The following WDR33 variants were observed in gnomAD, a reference collection of about 807,000 sequenced individuals.
WDR33 encodes the protein pre-mRNA 3' end processing protein WDR33.
WDR33 carries 47 observed loss-of-function variants against 164.9 expected under a neutral mutation model. The observed-to-expected ratio is 0.29, with a 90% CI of 0.23 to 0.36. WDR33 has a LOEUF of 0.36. WDR33 is among the 10% of genes least tolerant of loss of function. The pLI is 1.00. For missense variants in WDR33, 1,137 were observed against 1,754.1 expected (o/e 0.65, Z 6.28); for synonymous variants, 505 against 589.0 (o/e 0.86, Z 2.06).
chr2:127,756,436 CTATAT>C (rs917280206), intron 7 of WDR33, among the ~76,000 whole-genome samples: 3 of 150,110 alleles, frequency 2.0e-5, no homozygotes, highest in Middle Eastern at 3.6e-3. Flanking sequence ...ACAAAACTTA[CTATAT>C]TATACCACAT....
chr2:127,752,361 C>T lies in WDR33; in HGVS notation c.724+10701G>A, dbSNP rs921347535. Among the ~76,000 whole-genome samples, 4 of 151,898 alleles carry T rather than the reference C, an allele frequency of 2.6e-5. 1 individual carries two copies. Among genetic ancestry groups the T allele is most frequent in the East Asian group, 3.9e-4 (2 of 5,158 alleles). ...ATCCCAGCACTTTGGGAGGCCGAGG[C>T]GGGTGGATCATGAGGTCAGGAGATC... On this transcript the variant is annotated intron_variant, in intron 7 of 21. Transcript: ENST00000322313.
Position 127,720,411 on chromosome 2 carries a change from G to T in WDR33, c.1672-58C>A. The T allele has an allele frequency of 6.8e-7, 1 of 1,478,860 alleles. No homozygotes were observed. The highest frequency in any genetic ancestry group is 1.5e-5 in the South Asian group (1 of 67,126). 91.6% of individuals were successfully genotyped at this position (1,478,860 alleles called of 1,614,324 possible). ...TAAACAGGCCAGAGCCCTTGAAGAT[G>T]ACAATATTGCTATCATGTATTCTGT... On this transcript the variant is annotated intron_variant, in intron 15 of 21. Transcript: ENST00000322313. This position sits in a 1 kb window ranked among gnomAD's most constrained non-coding sequence, Gnocchi z 5.9.
At chr2:127,773,796 C>T (rs1688090545) in intron 1 of WDR33, among the ~76,000 whole-genome samples, 1 of 152,124 alleles carries the variant, frequency 6.6e-6, no homozygotes, top group African/African-American at 2.4e-5. Flanking sequence ...TGGGGTCTCG[C>T]TCTGTTGCCC....
rs1686338790 is a variant in WDR33 at position 127,718,043 on chromosome 2, CTA to C, written c.2761-782_2761-781del. The stretch of plus-strand genomic sequence containing the variant: ...TTTAGGGCAATTTAGAATGGCAATC[CTA>C]TACTTAATTCATCCTAACTTCTGAG... On this transcript the variant is annotated intron_variant, in intron 16 of 21. Transcript: ENST00000322313. This position sits in a 1 kb window ranked among gnomAD's most constrained non-coding sequence, Gnocchi z 4.4. 6.6e-6 allele frequency among the ~76,000 whole-genome samples: 1 copy of C among 152,016 alleles called. No individual in the cohort carries two copies. Among genetic ancestry groups the C allele is most frequent in the Non-Finnish European group, 1.5e-5 (1 of 68,010 alleles).
rs955030651 is a variant in WDR33, at chr2:127,749,467, G to A, written c.724+13595C>T. Among the ~76,000 whole-genome samples, 7 of 151,952 alleles carry A rather than the reference G, an allele frequency of 4.6e-5. No homozygotes were observed. In the East Asian group the frequency reaches 1.2e-3, roughly 25 times the overall value. On this transcript the variant is annotated intron_variant, in intron 7 of 21. Transcript: ENST00000322313. ...ACCCGAGGTCAGGGGTTTGAGACCA[G>A]CCTGGCCAACATGGTGAAACCCCGT...
rs1686085487 is a variant in WDR33, at chr2:127,708,953, T to C, written c.3566-61A>G. The stretch of plus-strand genomic sequence containing the variant: ...CAGTGTGACCAGAAGTAGATGGGAA[T>C]GACACTGTGAGAGTAAGGAGCAACT... On this transcript the variant is annotated intron_variant, in intron 20 of 21. Transcript: ENST00000322313. This position sits in a 1 kb window ranked among gnomAD's most constrained non-coding sequence, Gnocchi z 6.7. 6.9e-7 allele frequency: 1 copy of C among 1,457,524 alleles called. No homozygotes were observed. The allele number at this position is 1,457,524 out of a possible 1,614,324, so 90.3% of individuals were successfully genotyped here.
intron 1 of WDR33, among the ~76,000 whole-genome samples, chr2:127,785,940 G>C (rs1231931673): frequency 6.6e-6 from 1 of 152,260 alleles, no homozygotes; most frequent in Non-Finnish European, 1.5e-5. Flanking sequence ...AACTGGCAAA[G>C]TGAGAGTTCT....
Position 127,706,909 on chromosome 2 carries a change from A to G in WDR33, c.3782-357T>C, listed in dbSNP as rs1686030093. Among the ~76,000 whole-genome samples the G allele has an allele frequency of 6.6e-6, 1 of 152,254 alleles. No individual in the cohort carries two copies. The highest frequency in any genetic ancestry group is 1.5e-5 in the Non-Finnish European group (1 of 68,038). ...TCTGCCTGCTCCCAGCCACCAGGGT[A>G]TATTGAGGGAAGGTTTGAATATACT... is the stretch of plus-strand genomic sequence containing the variant. On this transcript the variant is annotated intron_variant, in intron 21 of 21. Transcript: ENST00000322313. The surrounding 1 kb of genome is among the most constrained non-coding windows in gnomAD (Gnocchi z 5.1).
chr2:127,778,234 C>T (rs200088994), intron 1 of WDR33, among the ~76,000 whole-genome samples: 17 of 151,994 alleles, frequency 1.1e-4, no homozygotes, highest in East Asian at 9.7e-4. Flanking sequence ...GTCAGGAGTT[C>T]GAGACCAGCC....
intron 7 of WDR33, chr2:127,737,488 T>G: frequency 6.1e-6 from 6 of 986,356 alleles, no homozygotes; most frequent in Non-Finnish European, 7.2e-6. Flanking sequence ...TAGTCATCAC[T>G]TGAAAAGCTA....
chr2:127,731,059 C>G (rs1191520524), intron 7 of WDR33, among the ~76,000 whole-genome samples: 1 of 151,656 alleles, frequency 6.6e-6, no homozygotes, highest in East Asian at 1.9e-4. Context: ...TTTGGGAGGC[C>G]AAGGTGGGTG....
At chr2:127,733,972 T>A (rs1052733829) in intron 7 of WDR33, among the ~76,000 whole-genome samples, 3 of 152,126 alleles carry the variant, frequency 2.0e-5, no homozygotes, top group African/African-American at 7.2e-5. Context: ...CCTCATCCAA[T>A]CCTGTCTTCA....
intron 1 of WDR33, among the ~76,000 whole-genome samples, chr2:127,780,267 C>A (rs1434323400): frequency 6.6e-6 from 1 of 152,160 alleles, no homozygotes; most frequent in African/African-American, 2.4e-5. Flanking sequence ...TTAAGATTCC[C>A]ACCTCCATTA....
At chr2:127,747,242 G>A (rs908125726) in intron 7 of WDR33, among the ~76,000 whole-genome samples, 1 of 152,090 alleles carries the variant, frequency 6.6e-6, no homozygotes, top group African/African-American at 2.4e-5. Context: ...GGAATATGCT[G>A]TTTTTTCCAT....
intron 7 of WDR33, among the ~76,000 whole-genome samples, chr2:127,731,112 T>C (rs560249933): frequency 1.8e-4 from 28 of 151,500 alleles, no homozygotes; most frequent in African/African-American, 6.3e-4. Flanking sequence ...CTGGGAAACA[T>C]AGTGAGATGC....
In WDR33 at chr2:127,735,935, T is replaced by C. The variant is rs1686827895; in HGVS notation, c.725-9158A>G. On this transcript the variant is annotated intron_variant, in intron 7 of 21. Coordinates refer to ENST00000322313, the MANE Select transcript of WDR33 (RefSeq NM_018383.5). This position sits in a 1 kb window ranked among gnomAD's most constrained non-coding sequence, Gnocchi z 4.3. ...ATCAGTGAAAAACTATAGAATTAAA[T>C]GGAAAGTTAATTCTGGAAAGGGGGT... 1 of 985,320 alleles carries C rather than the reference T, an allele frequency of 1.0e-6. No individual in the cohort carries two copies. 61.0% of individuals were successfully genotyped at this position (985,320 alleles called of 1,614,324 possible). A position where few individuals can be genotyped will look rare whatever the true frequency, so the allele number is the denominator to read the frequency against.
intron 7 of WDR33, among the ~76,000 whole-genome samples, chr2:127,753,406 G>GA (rs1239034495): frequency 6.6e-6 from 1 of 152,136 alleles, no homozygotes; most frequent in Non-Finnish European, 1.5e-5. Flanking sequence ...ATATTCAAAT[G>GA]AGAAAAGTTC....
rs141977367 is a variant in WDR33 at position 127,757,533 on chromosome 2, T to G, written c.724+5529A>C. Reference sequence around the variant, plus strand: ...TGGATACAGAATACAGGCAGCTAGCTGTAGTAAAATGGGTCCAGGTGGTTG... The same window carrying G: ...TGGATACAGAATACAGGCAGCTAGCGGTAGTAAAATGGGTCCAGGTGGTTG... On this transcript the variant is annotated intron_variant, in intron 7 of 21. Transcript: ENST00000322313. Among the ~76,000 whole-genome samples, 984 of 152,286 alleles carry G rather than the reference T, an allele frequency of 6.5e-3. 5 individuals are homozygous for G. Among genetic ancestry groups the G allele is most frequent in the African/African-American group, 8.4e-3 (350 of 41,578 alleles).
intron 17 of WDR33, among the ~76,000 whole-genome samples, chr2:127,715,255 T>C (rs1161662847): frequency 6.6e-6 from 1 of 151,996 alleles, no homozygotes; most frequent in Non-Finnish European, 1.5e-5. Flanking sequence ...CGGCTAATTT[T>C]TGTATTTTCA....
Sources: gnomAD v4.1 joint callset for allele counts (sites outside exome capture counted in the v4.1 genomes callset) on GRCh38, gnomAD v4.1.1 for gene constraint, Gnocchi (gnomAD v3.1) non-coding constraint, MANE v1.5 for transcripts, NCBI Gene and HGNC (gene_info 2026-07-23, HGNC 2026-07-21) for gene names.